Variants in NOS1AP observed in about 807,000 individuals in gnomAD.
NOS1AP encodes the protein carboxyl-terminal PDZ ligand of neuronal nitric oxide synthase protein.
A neutral mutation model predicts 56.2 loss-of-function variants in NOS1AP; 21 were observed. That is an observed-to-expected ratio of 0.37 (90% CI 0.26 to 0.54). The LOEUF (loss-of-function observed/expected upper bound fraction) is 0.54, where lower values mean the gene tolerates loss of function less well. NOS1AP is among the 20% of genes least tolerant of loss of function. The probability of loss-of-function intolerance (pLI) is 0.84; values close to 1 mark genes in which losing one functional copy is unlikely to be tolerated. For missense variants in NOS1AP, 522 were observed against 657.8 expected, an observed-to-expected ratio of 0.79 and a Z score of 2.26; for synonymous variants, 270 against 274.6, an observed-to-expected ratio of 0.98 and a Z score of 0.17.
intron 1 of NOS1AP, among the ~76,000 whole-genome samples, chr1:162,129,282 T>C (rs950625846): frequency 6.6e-6 from 1 of 152,130 alleles, no homozygotes; most frequent in Admixed American, 6.5e-5. Context: ...TGTTATTGTA[T>C]AACTGGTTTC....
chr1:162,311,653 A>G (rs1293179830), intron 4 of NOS1AP, among the ~76,000 whole-genome samples: 1 of 150,238 alleles, frequency 6.7e-6, no homozygotes, highest in Non-Finnish European at 1.5e-5. Flanking sequence ...ACATATGTAT[A>G]CATATGCCAT....
At chr1:162,291,675 T>C (rs1655287435) in intron 3 of NOS1AP, among the ~76,000 whole-genome samples, 1 of 152,204 alleles carries the variant, frequency 6.6e-6, no homozygotes, top group Admixed American at 6.5e-5. Flanking sequence ...TTTTTGGTTA[T>C]AATAACAAAT....
chr1:162,251,066 T>TTTTG (rs57225935), intron 2 of NOS1AP, among the ~76,000 whole-genome samples: 50,261 of 151,058 alleles, frequency 0.33, 9,836 homozygotes, highest in East Asian at 0.63. Flanking sequence ...TCCTGAGCTT[T>TTTTG]TTTGTTTGTT....
intron 2 of NOS1AP, among the ~76,000 whole-genome samples, chr1:162,253,892 C>T (rs1167155530): frequency 6.6e-6 from 1 of 152,016 alleles, no homozygotes; most frequent in African/African-American, 2.4e-5. Flanking sequence ...AAATAAGAAG[C>T]AGGCGTATCC....
chr1:162,206,155 A>C (rs1446058654), intron 2 of NOS1AP, among the ~76,000 whole-genome samples: 1 of 152,204 alleles, frequency 6.6e-6, no homozygotes, highest in East Asian at 1.9e-4. Flanking sequence ...TGGAGCAGGG[A>C]GTAATGTTCA....
At chr1:162,161,504 T>C (rs1650214837) in intron 2 of NOS1AP, among the ~76,000 whole-genome samples, 1 of 152,270 alleles carries the variant, frequency 6.6e-6, no homozygotes, top group Admixed American at 6.5e-5. Context: ...TCTTGGCACA[T>C]GTATTTTACA....
At chr1:162,330,430 A>C (rs1230440135) in intron 4 of NOS1AP, among the ~76,000 whole-genome samples, 1 of 152,214 alleles carries the variant, frequency 6.6e-6, no homozygotes, top group Non-Finnish European at 1.5e-5. Context: ...GGTATTCAGC[A>C]ACTCAGACTG....
At chr1:162,243,228 G>A (rs1034810915) in intron 2 of NOS1AP, among the ~76,000 whole-genome samples, 3 of 152,112 alleles carry the variant, frequency 2.0e-5, no homozygotes, top group African/African-American at 7.2e-5. Context: ...GATGTGTAAT[G>A]GCGGCAGCTG....
chr1:162,248,715 T>C (rs1262044241), intron 2 of NOS1AP, among the ~76,000 whole-genome samples: 1 of 152,078 alleles, frequency 6.6e-6, no homozygotes, highest in Non-Finnish European at 1.5e-5. Flanking sequence ...TGTCGGTCAT[T>C]CTGTATGCCA....
chr1:162,100,322 A>C (rs1319945918), intron 1 of NOS1AP, among the ~76,000 whole-genome samples: 1 of 152,068 alleles, frequency 6.6e-6, no homozygotes, highest in East Asian at 1.9e-4. Context: ...AATGATTGCC[A>C]TTCTAACTGG....
chr1:162,071,879 G>T (rs546753002), intron 1 of NOS1AP, among the ~76,000 whole-genome samples: 2 of 152,154 alleles, frequency 1.3e-5, no homozygotes, highest in African/African-American at 4.8e-5. Flanking sequence ...AAGTAAGAGG[G>T]TAAGAAGGGA....
chr1:162,192,743 G>A (rs977809542), intron 2 of NOS1AP, among the ~76,000 whole-genome samples: 2 of 152,144 alleles, frequency 1.3e-5, no homozygotes, highest in South Asian at 4.1e-4. Context: ...CTGTAGTCAG[G>A]TTTACCAGCC....
intron 5 of NOS1AP, among the ~76,000 whole-genome samples, chr1:162,338,253 G>A (rs1427116608): frequency 2.6e-5 from 4 of 152,148 alleles, no homozygotes; most frequent in Admixed American, 2.6e-4. Flanking sequence ...GGGGAGAGGG[G>A]GAGTGGAGGA....
At chr1:162,262,677 C>T (rs1474080060) in intron 2 of NOS1AP, among the ~76,000 whole-genome samples, 1 of 152,168 alleles carries the variant, frequency 6.6e-6, no homozygotes, top group African/African-American at 2.4e-5. Flanking sequence ...TGACTTAGCA[C>T]CCCTTTGTTT....
chr1:162,334,863 G>A (rs935269624), intron 5 of NOS1AP, among the ~76,000 whole-genome samples: 5 of 152,190 alleles, frequency 3.3e-5, no homozygotes. Flanking sequence ...ACTTGCCTGA[G>A]TTCTCATGAA....
At chr1:162,070,624 C>A (rs1372893104) in intron 1 of NOS1AP, among the ~76,000 whole-genome samples, 1 of 152,156 alleles carries the variant, frequency 6.6e-6, no homozygotes, top group East Asian at 1.9e-4. Flanking sequence ...GGCACCTGGT[C>A]GTTTAGAATC....
At chr1:162,155,882 G>A (rs751556370) in intron 2 of NOS1AP, among the ~76,000 whole-genome samples, 8 of 152,156 alleles carry the variant, frequency 5.3e-5, no homozygotes, top group Non-Finnish European at 1.2e-4. Flanking sequence ...GATGCAGCCT[G>A]GTTTGTTCTT....
intron 2 of NOS1AP, among the ~76,000 whole-genome samples, chr1:162,164,779 C>T (rs1650401832): frequency 6.6e-6 from 1 of 152,172 alleles, no homozygotes. Context: ...TGGCAAGTTT[C>T]CTCTTGGAGC....
chr1:162,251,396 G>A (rs1653843391), intron 2 of NOS1AP, among the ~76,000 whole-genome samples: 1 of 152,044 alleles, frequency 6.6e-6, no homozygotes, highest in Non-Finnish European at 1.5e-5. Flanking sequence ...AACGTTTTAT[G>A]TGTCCTTGTC....
Sources: gnomAD v4.1 joint callset for allele counts (sites outside exome capture counted in the v4.1 genomes callset) on GRCh38, gnomAD v4.1.1 for gene constraint, MANE v1.5 for transcripts, NCBI Gene and HGNC (gene_info 2026-07-23, HGNC 2026-07-21) for gene names.